SYNDIG1L: variants seen among roughly 807,000 people sequenced by gnomAD.
SYNDIG1L encodes synapse differentiation-inducing gene protein 1-like.
A neutral mutation model predicts 20.1 loss-of-function variants in SYNDIG1L; 13 were observed. The observed-to-expected ratio is 0.65, with a 90% CI of 0.42 to 1.03. The LOEUF (loss-of-function observed/expected upper bound fraction) is 1.03, where lower values mean the gene tolerates loss of function less well. SYNDIG1L is among the 50% of genes least tolerant of loss of function. SYNDIG1L has a pLI of 0.00. For synonymous variants in SYNDIG1L, 128 were observed against 129.3 expected (o/e 0.99, Z 0.07); for missense variants, 294 against 305.1 (o/e 0.96, Z 0.27).
the SYNDIG1L span, among the ~76,000 whole-genome samples, chr14:74,453,781 C>T: frequency 6.6e-6 from 1 of 151,890 alleles, no homozygotes; most frequent in Non-Finnish European, 1.5e-5. Flanking sequence ...GGTGAAACTC[C>T]GTCTCTACAA....
upstream of SYNDIG1L, among the ~76,000 whole-genome samples, chr14:74,428,202 A>C (rs1200446805): frequency 6.6e-6 from 1 of 152,226 alleles, no homozygotes; most frequent in Non-Finnish European, 1.5e-5. Context: ...CTTATAATTC[A>C]ATAGCTCTGA....
the SYNDIG1L span, among the ~76,000 whole-genome samples, chr14:74,462,194 G>A: frequency 8.8e-3 from 1,324 of 151,054 alleles, 22 homozygotes; most frequent in African/African-American, 0.03. Flanking sequence ...CTTAATGTAG[G>A]CTATGTTGGC....
chr14:74,439,612 G>T, the SYNDIG1L span, among the ~76,000 whole-genome samples: 1 of 152,280 alleles, frequency 6.6e-6, no homozygotes, highest in African/African-American at 2.4e-5. Flanking sequence ...CAGGCGCAGT[G>T]GCTCATGCCT....
At chr14:74,447,150 A>T in the SYNDIG1L span, among the ~76,000 whole-genome samples, 1 of 152,198 alleles carries the variant, frequency 6.6e-6, no homozygotes, top group Admixed American at 6.5e-5. Context: ...CTAACCAAAA[A>T]CCTCTGTTAC....
the SYNDIG1L span, among the ~76,000 whole-genome samples, chr14:74,443,567 C>T: frequency 3.3e-5 from 5 of 152,218 alleles, no homozygotes; most frequent in Admixed American, 2.6e-4. Context: ...GTGTATAATA[C>T]ACTTAGGATG....
the SYNDIG1L span, among the ~76,000 whole-genome samples, chr14:74,450,673 C>T: frequency 6.6e-6 from 1 of 152,070 alleles, no homozygotes; most frequent in African/African-American, 2.4e-5. Flanking sequence ...CAATTCCAGA[C>T]ATTTATTGTA....
the SYNDIG1L span, among the ~76,000 whole-genome samples, chr14:74,432,230 C>T: frequency 6.6e-6 from 1 of 150,616 alleles, no homozygotes; most frequent in Non-Finnish European, 1.5e-5. Context: ...GCCAATGAGG[C>T]CACACTACTT....
chr14:74,445,785 A>T, the SYNDIG1L span, among the ~76,000 whole-genome samples: 2 of 152,170 alleles, frequency 1.3e-5, no homozygotes, highest in African/African-American at 4.8e-5. Context: ...CCTCTGACAC[A>T]TATTTGAGTA....
rs563842043 is a variant in SYNDIG1L at position 74,409,930 on chromosome 14, G to A, written c.-57-129C>T. 1.7e-4 allele frequency: 115 copies of A among 672,216 alleles called. 2 individuals carry two copies. In the South Asian group the frequency reaches 7.9e-3, roughly 46 times the overall value. The allele number at this position is 672,216 out of a possible 1,614,324, so 41.6% of individuals were successfully genotyped here. ...TGCCTCTGCCCTTTGCAAGATGCAGGACCTGGAACTGGCTACTTCACTTCT... is the reference window on the plus strand; with the variant it reads ...TGCCTCTGCCCTTTGCAAGATGCAGAACCTGGAACTGGCTACTTCACTTCT... On this transcript the variant is annotated intron_variant, in intron 1 of 3. Coordinates refer to ENST00000331628, the MANE Select transcript of SYNDIG1L (RefSeq NM_001105579.2).
At chr14:74,478,863 C>T in the SYNDIG1L span, among the ~76,000 whole-genome samples, 1 of 152,158 alleles carries the variant, frequency 6.6e-6, no homozygotes, top group Non-Finnish European at 1.5e-5. Flanking sequence ...TGCCTCATCT[C>T]ATTTAGTCTT....
chr14:74,475,960 A>T, the SYNDIG1L span, among the ~76,000 whole-genome samples: 1 of 152,230 alleles, frequency 6.6e-6, no homozygotes, highest in African/African-American at 2.4e-5. Flanking sequence ...CAATTTGTAC[A>T]TTACACATTA....
upstream of SYNDIG1L, among the ~76,000 whole-genome samples, chr14:74,430,771 T>G (rs566466270): frequency 6.6e-6 from 1 of 152,010 alleles, no homozygotes; most frequent in Non-Finnish European, 1.5e-5. Context: ...CTACAATTTT[T>G]TTTTTTGAGA....
At chr14:74,457,375 A>G in the SYNDIG1L span, among the ~76,000 whole-genome samples, 1 of 151,910 alleles carries the variant, frequency 6.6e-6, no homozygotes, top group Non-Finnish European at 1.5e-5. Context: ...TCAATAAGCC[A>G]TCAATATCCT....
In SYNDIG1L at chr14:74,409,741, C is replaced by T. The variant is rs771706554; in HGVS notation, c.4G>A (p.Glu2Lys). M[E>K]SLSELQNPLL... is the part of the protein sequence containing the mutation. ...GGGTTCTGTAGTTCACTCAGACTCT[C>T]CATGGTTCTGGGGCAGCTGCTGGGG... is the stretch of plus-strand genomic sequence containing the variant. Residue 2 changes from glutamate (E) to lysine (K), a missense_variant, in exon 2 of 4, where the codon GAG becomes AAG. Glu to Lys is a moderately conservative substitution (Grantham distance 56). Transcript: ENST00000331628. The T allele has an allele frequency of 6.9e-7, 1 of 1,446,726 alleles. No individual in the cohort carries two copies. The highest frequency in any genetic ancestry group is 9.1e-7 in the Non-Finnish European group (1 of 1,097,926). The allele number at this position is 1,446,726 out of a possible 1,614,324, so 89.6% of individuals were successfully genotyped here. A position where few individuals can be genotyped will look rare whatever the true frequency, so the allele number is the denominator to read the frequency against.
the SYNDIG1L span, among the ~76,000 whole-genome samples, chr14:74,478,657 A>G: frequency 1.3e-5 from 2 of 152,180 alleles, no homozygotes; most frequent in African/African-American, 4.8e-5. Context: ...ATGAGAATTG[A>G]GCTTTTCCAG....
At chr14:74,409,007 T>C (rs59948392) in intron 2 of SYNDIG1L, among the ~76,000 whole-genome samples, 1,536 of 152,166 alleles carry the variant, frequency 0.01, 27 homozygotes, top group African/African-American at 0.035. Flanking sequence ...TCCAGGCCTC[T>C]TAGATCTCGA....
chr14:74,432,136 G>A, the SYNDIG1L span, among the ~76,000 whole-genome samples: 1 of 108,816 alleles, frequency 9.2e-6, no homozygotes, highest in Non-Finnish European at 2.1e-5. Context: ...CTTATGCCTT[G>A]GAAGGTGTGT....
the SYNDIG1L span, among the ~76,000 whole-genome samples, chr14:74,435,549 T>C: frequency 1.3e-5 from 2 of 152,148 alleles, no homozygotes; most frequent in African/African-American, 4.8e-5. Flanking sequence ...CTTCTGATAG[T>C]AGTGATGTTT....
chr14:74,473,451 A>C, the SYNDIG1L span, among the ~76,000 whole-genome samples: 1 of 152,224 alleles, frequency 6.6e-6, no homozygotes, highest in African/African-American at 2.4e-5. Flanking sequence ...TGAATGAATG[A>C]TGGATAAATA....
Sources: allele counts gnomAD v4.1 joint callset (sites outside exome capture counted in the v4.1 genomes callset), GRCh38; gene constraint gnomAD v4.1.1; transcripts MANE v1.5; gene names NCBI Gene and HGNC (gene_info 2026-07-23, HGNC 2026-07-21).